FBXW7: variants seen among roughly 807,000 people sequenced by gnomAD.
FBXW7 encodes F-box and WD repeat domain containing 7.
Under a neutral mutation model 86.3 loss-of-function variants are expected in FBXW7, and 11 were observed. The observed-to-expected ratio is 0.13, with a 90% confidence interval of 0.08 to 0.21. The LOEUF is 0.21. Ranked by LOEUF, FBXW7 falls within the 10% of genes least tolerant of loss-of-function variation. FBXW7 has a pLI of 1.00. For missense variants in FBXW7, 488 were observed against 847.4 expected (o/e 0.58, Z 5.27); for synonymous variants, 313 against 297.9 (o/e 1.05, Z -0.52).
intron 4 of FBXW7, chr4:152,352,745 T>G: frequency 6.2e-7 from 1 of 1,611,800 alleles, no homozygotes; most frequent in Non-Finnish European, 8.5e-7. Flanking sequence ...ACATGCAGCT[T>G]GACTGAGAAG....
chr4:152,430,444 T>G (rs1739782907), intron 2 of FBXW7, among the ~76,000 whole-genome samples: 1 of 152,120 alleles, frequency 6.6e-6, no homozygotes. Flanking sequence ...TTTACTGATT[T>G]ATCCACTATG....
At chr4:152,515,812 A>T (rs1164734737) in intron 2 of FBXW7, among the ~76,000 whole-genome samples, 4 of 151,148 alleles carry the variant, frequency 2.6e-5, no homozygotes, top group Non-Finnish European at 5.9e-5. Flanking sequence ...TCATGTTTTA[A>T]TTCAACATTT....
intron 4 of FBXW7, among the ~76,000 whole-genome samples, chr4:152,354,774 T>C (rs938822846): frequency 3.9e-5 from 6 of 152,140 alleles, no homozygotes; most frequent in African/African-American, 1.4e-4. Flanking sequence ...ATATTGTTTG[T>C]ATGTGGGTAC....
At chr4:152,447,207 G>A (rs72955067) in intron 2 of FBXW7, among the ~76,000 whole-genome samples, 5 of 152,210 alleles carry the variant, frequency 3.3e-5, no homozygotes, top group South Asian at 4.1e-4. Flanking sequence ...TTTATGCCCC[G>A]TTTCTACTAC....
At chr4:152,431,558 T>G (rs951300354) in intron 2 of FBXW7, among the ~76,000 whole-genome samples, 8 of 152,184 alleles carry the variant, frequency 5.3e-5, no homozygotes, top group Admixed American at 4.6e-4. Context: ...GCAGTTAACA[T>G]GAATGACTAC....
intron 2 of FBXW7, among the ~76,000 whole-genome samples, chr4:152,459,271 C>T (rs920759069): frequency 3.3e-5 from 5 of 152,124 alleles, no homozygotes; most frequent in Non-Finnish European, 7.4e-5. Context: ...TTTTCAAAAC[C>T]ATCAGCACTT....
chr4:152,346,967 G>A lies in FBXW7; in HGVS notation c.689C>T (p.Pro230Leu). 6.2e-7 allele frequency: 1 copy of A among 1,613,736 alleles called. No individual in the cohort carries two copies. The highest frequency in any genetic ancestry group is 8.5e-7 in the Non-Finnish European group (1 of 1,179,812). The change falls in exon 6 of 14, where the codon CCA becomes CTA. Residue 230 changes from proline (P) to leucine (L), a missense_variant. By Grantham distance (98) the Pro-to-Leu change is moderately conservative. Around this residue, in one of 4 missense-constraint regions of FBXW7, gnomAD observed 59 missense variants for 137.9 expected, o/e 0.43. Coordinates refer to ENST00000281708, the MANE Select transcript of FBXW7 (RefSeq NM_001349798.2). ...TAGCCATTCCTGGAGGCCTGTAGGT[G>A]GCTGGACAGATGTAATTCGGCGTCG... ...QQRRRITSVQ[P>L]PTGLQEWLKM...
At chr4:152,374,234 C>G (rs974421877) in intron 4 of FBXW7, among the ~76,000 whole-genome samples, 4 of 151,884 alleles carry the variant, frequency 2.6e-5, no homozygotes, top group Non-Finnish European at 5.9e-5. Context: ...ATACCACCAC[C>G]CTATTCTTTC....
At chr4:152,497,038 G>A (rs755570410) in intron 2 of FBXW7, among the ~76,000 whole-genome samples, 1 of 151,942 alleles carries the variant, frequency 6.6e-6, no homozygotes, top group Non-Finnish European at 1.5e-5. Flanking sequence ...AAACCGACAC[G>A]AAGGCCGGGC....
chr4:152,412,417 A>G (rs1738044222), intron 3 of FBXW7, 63 bp downstream of exon 3: 1 of 152,058 alleles, frequency 6.6e-6, no homozygotes, highest in South Asian at 2.1e-4. Context: ...TAATTTTTTT[A>G]CAAATGACTG....
intron 4 of FBXW7, among the ~76,000 whole-genome samples, chr4:152,367,854 T>C (rs1487417484): frequency 6.6e-6 from 1 of 152,034 alleles, no homozygotes; most frequent in Admixed American, 6.6e-5. Context: ...ACAACACAAG[T>C]TGATGATACT....
At chr4:152,516,338 T>G (rs1442927541) in intron 2 of FBXW7, among the ~76,000 whole-genome samples, 1 of 151,940 alleles carries the variant, frequency 6.6e-6, no homozygotes, top group Non-Finnish European at 1.5e-5. Context: ...GGCATTAGAG[T>G]CTCATAGGAG....
intron 2 of FBXW7, among the ~76,000 whole-genome samples, chr4:152,513,980 G>T (rs1292560804): frequency 1.3e-5 from 2 of 152,166 alleles, no homozygotes; most frequent in Non-Finnish European, 2.9e-5. Flanking sequence ...AATATACACT[G>T]ATTTCAAAGA....
intron 4 of FBXW7, among the ~76,000 whole-genome samples, chr4:152,395,477 A>G (rs749438496): frequency 6.6e-6 from 1 of 151,896 alleles, no homozygotes; most frequent in Non-Finnish European, 1.5e-5. Flanking sequence ...TCACTTTATT[A>G]TATGTATTTT....
chr4:152,463,504 A>G (rs1392619030), intron 2 of FBXW7, among the ~76,000 whole-genome samples: 1 of 152,048 alleles, frequency 6.6e-6, no homozygotes, highest in African/African-American at 2.4e-5. Flanking sequence ...GTAGACAAGA[A>G]GTGGTCAGAG....
In FBXW7 at chr4:152,365,074, T is replaced by C. The variant is rs571698937; in HGVS notation, c.502-14950A>G. ...GGTAAATGCTGCAGTGTTCGAAGAG[T>C]GTTAAGAATGGTGAGGTTTCCACCT... On this transcript the variant is annotated intron_variant, in intron 4 of 13. Transcript: ENST00000281708. Among the ~76,000 whole-genome samples the C allele has an allele frequency of 7.7e-3, 1,166 of 151,358 alleles. 10 individuals carry two copies. The highest frequency in any genetic ancestry group is 0.012 in the Non-Finnish European group (800 of 67,838).
intron 7 of FBXW7, 168 bp downstream of exon 7, chr4:152,337,634 T>A: frequency 1.7e-6 from 1 of 593,132 alleles, no homozygotes; most frequent in East Asian, 3.0e-5. Context: ...ACAATTACAT[T>A]ATTAAGTCAT....
intron 2 of FBXW7, among the ~76,000 whole-genome samples, chr4:152,510,311 GAAC>G (rs1747841767): frequency 6.6e-6 from 1 of 152,120 alleles, no homozygotes; most frequent in Non-Finnish European, 1.5e-5. Context: ...AATTTTGGAA[GAAC>G]AACTGCTGAT....
intron 4 of FBXW7, among the ~76,000 whole-genome samples, chr4:152,375,467 TAC>T (rs1734417153): frequency 6.6e-6 from 1 of 151,910 alleles, no homozygotes; most frequent in Admixed American, 6.6e-5. Flanking sequence ...AGAAGAAAAT[TAC>T]AGTTGAAAAT....
Sources: gnomAD v4.1 joint callset for allele counts (sites outside exome capture counted in the v4.1 genomes callset) on GRCh38, gnomAD v4.1.1 for gene constraint, gnomAD v4.1.1 regional missense constraint, MANE v1.5 for transcripts, NCBI Gene and HGNC (gene_info 2026-07-23, HGNC 2026-07-21) for gene names.